LAMTOR3: variants seen among roughly 807,000 people sequenced by gnomAD.
The protein encoded by LAMTOR3 is ragulator complex protein LAMTOR3.
A neutral mutation model predicts 20.3 loss-of-function variants in LAMTOR3; 14 were observed. The observed-to-expected ratio is 0.69, with a 90% CI of 0.46 to 1.08. The LOEUF (loss-of-function observed/expected upper bound fraction) is 1.08, where lower values mean the gene tolerates loss of function less well. Among genes scored for constraint, LAMTOR3 ranks in the 50% least tolerant of loss-of-function variants. The pLI, the probability that LAMTOR3 is intolerant of heterozygous loss-of-function variation, is 0.00. For missense variants in LAMTOR3, 125 were observed against 143.7 expected (o/e 0.87, Z 0.67); for synonymous variants, 40 against 49.4 (o/e 0.81, Z 0.80).
At chr4:99,892,680 ATT>A (rs368209166) in intron 2 of LAMTOR3, among the ~76,000 whole-genome samples, 12 of 143,458 alleles carry the variant, frequency 8.4e-5, no homozygotes, top group Non-Finnish European at 9.1e-5. Context: ...GTGAGGCAAC[ATT>A]TTTTTTTTTT....
At chr4:99,882,435 C>A (rs1292440682) in intron 6 of LAMTOR3, among the ~76,000 whole-genome samples, 1 of 151,990 alleles carries the variant, frequency 6.6e-6, no homozygotes, top group Admixed American at 6.6e-5. Context: ...TGTACTATAA[C>A]CCTAAATAAA....
In LAMTOR3 at chr4:99,885,589, C is replaced by A; in HGVS notation, c.190G>T (p.Gly64Ter). 1 of 1,613,310 alleles carries A rather than the reference C, an allele frequency of 6.2e-7. No homozygotes were observed. Among genetic ancestry groups the A allele is most frequent in the South Asian group, 1.1e-5 (1 of 91,010 alleles). The stretch of plus-strand genomic sequence containing the variant: ...ATGATACTTTTATTTTTGGAAAGTC[C>A]AAGTTTGCTTCCTTGGTCTGTTGCA... ...ALATDQGSKLGLSKNKSIICY... is the reference protein window; with the variant it reads ...ALATDQGSKL The change falls in exon 5 of 7, where the codon GGA becomes TGA. Residue 64 changes from glycine to a stop codon, truncating the protein, a stop_gained. Transcript: ENST00000499666. LOFTEE classifies it high-confidence loss of function.
chr4:99,889,575 G>GA (rs1357550027), intron 3 of LAMTOR3, among the ~76,000 whole-genome samples: 6 of 152,212 alleles, frequency 3.9e-5, no homozygotes. Flanking sequence ...TGTATGTTGT[G>GA]TGTATAAATA....
chr4:99,881,968 A>T lies in LAMTOR3; in HGVS notation c.*26T>A, dbSNP rs1724835776. ...ATATTGTGTTGTTATAATGAAGATA[A>T]GGTACACACTGAAACCACTGTCAGA... On this transcript the variant is annotated 3_prime_UTR_variant, in exon 7 of 7. Coordinates refer to ENST00000499666, the MANE Select transcript of LAMTOR3 (RefSeq NM_021970.4). The T allele has an allele frequency of 1.4e-6, 2 of 1,426,026 alleles. No homozygotes were observed. Among genetic ancestry groups the T allele is most frequent in the Non-Finnish European group, 2.0e-6 (2 of 1,012,860 alleles). The allele number at this position is 1,426,026 out of a possible 1,614,324, so 88.3% of individuals were successfully genotyped here.
intron 5 of LAMTOR3, 143 bp downstream of exon 5, chr4:99,885,399 C>T: frequency 1.7e-6 from 1 of 592,878 alleles, no homozygotes; most frequent in East Asian, 3.2e-5. Flanking sequence ...CATTTTAATA[C>T]AACCAATTTG....
At chr4:99,891,882 T>C (rs1040968012) in intron 3 of LAMTOR3, 118 bp downstream of exon 3, 4 of 1,431,444 alleles carry the variant, frequency 2.8e-6, no homozygotes, top group Admixed American at 6.8e-5. Flanking sequence ...GCAAAAAATA[T>C]TCATATTAAA....
chr4:99,893,945 T>C lies in LAMTOR3; in HGVS notation c.9+10A>G. 6.5e-7 allele frequency: 1 copy of C among 1,534,122 alleles called. No homozygotes were observed. Among genetic ancestry groups the C allele is most frequent in the South Asian group, 1.2e-5 (1 of 80,274 alleles). On this transcript the variant is annotated intron_variant, in intron 2 of 6. Coordinates refer to ENST00000499666, the MANE Select transcript of LAMTOR3 (RefSeq NM_021970.4). The stretch of plus-strand genomic sequence containing the variant: ...CTCTCCCCTTCCTCTTATGTAGGGG[T>C]GTCACTCACATCCGCCATGATGAAC...
Position 99,880,895 on chromosome 4 carries a change from T to G in LAMTOR3, c.*1099A>C, listed in dbSNP as rs540091422. On this transcript the variant is annotated 3_prime_UTR_variant, in exon 7 of 7. Coordinates refer to ENST00000499666, the MANE Select transcript of LAMTOR3 (RefSeq NM_021970.4). The stretch of plus-strand genomic sequence containing the variant: ...GCATTCCTGAACATAAAGGGTATAT[T>G]CTAGAACTGTAGTACCTCTTTCATG... 2.6e-5 allele frequency: 4 copies of G among 152,352 alleles called. No homozygotes were observed. In the East Asian group the frequency reaches 7.7e-4, roughly 29 times the overall value. 9.4% of individuals were successfully genotyped at this position (152,352 alleles called of 1,614,324 possible).
intron 4 of LAMTOR3, among the ~76,000 whole-genome samples, chr4:99,886,029 ACTT>A (rs767908951): frequency 6.6e-6 from 1 of 152,176 alleles, no homozygotes; most frequent in Non-Finnish European, 1.5e-5. Flanking sequence ...AAGTTACAAA[ACTT>A]CTGCTCTTAT....
At chr4:99,891,625 G>A (rs1208432512) in intron 3 of LAMTOR3, among the ~76,000 whole-genome samples, 1 of 152,054 alleles carries the variant, frequency 6.6e-6, no homozygotes, top group Non-Finnish European at 1.5e-5. Flanking sequence ...TAGAAAAAGA[G>A]ATAATAAAAA....
At chr4:99,893,062 CTA>C (rs1004275884) in intron 2 of LAMTOR3, among the ~76,000 whole-genome samples, 112 of 152,280 alleles carry the variant, frequency 7.4e-4, no homozygotes, top group Non-Finnish European at 5.4e-4. Context: ...AAGTAGAAGA[CTA>C]TTTTATTTTT....
At chr4:99,886,832 T>C (rs1353934418) in intron 4 of LAMTOR3, among the ~76,000 whole-genome samples, 2 of 152,164 alleles carry the variant, frequency 1.3e-5, no homozygotes, top group East Asian at 1.9e-4. Flanking sequence ...CCATACTGAC[T>C]CTCTGTGACA....
chr4:99,883,771 C>T (rs1724869541), intron 6 of LAMTOR3, among the ~76,000 whole-genome samples: 1 of 148,652 alleles, frequency 6.7e-6, no homozygotes. Flanking sequence ...TTTAATTTTC[C>T]TGTCTCCAAA....
intron 2 of LAMTOR3, among the ~76,000 whole-genome samples, chr4:99,892,840 A>T (rs1262741898): frequency 6.6e-6 from 1 of 151,942 alleles, no homozygotes; most frequent in Non-Finnish European, 1.5e-5. Flanking sequence ...CACCATGCCC[A>T]GCTAATTTTT....
rs1724751775 is a variant in LAMTOR3, at chr4:99,878,417, A to ATTTTATTATT, written c.*3567_*3576dup. 2.0e-5 allele frequency: 3 copies of ATTTTATTATT among 152,292 alleles called. No individual in the cohort carries two copies. Among genetic ancestry groups the ATTTTATTATT allele is most frequent in the Admixed American group, 2.0e-4 (3 of 15,288 alleles). The allele number at this position is 152,292 out of a possible 1,614,324, so 9.4% of individuals were successfully genotyped here. On this transcript the variant is annotated 3_prime_UTR_variant, in exon 7 of 7. Coordinates refer to ENST00000499666, the MANE Select transcript of LAMTOR3 (RefSeq NM_021970.4). ...TGTTTGTTGAAATATTTTATTTCTA[A>ATTTTATTATT]TTTTATTATTTTTGAACAGTTAAAA...
intron 2 of LAMTOR3, 21 bp downstream of exon 2, chr4:99,893,934 T>C (rs1370624627): frequency 1.3e-6 from 2 of 1,497,342 alleles, no homozygotes; most frequent in Middle Eastern, 1.8e-4. Context: ...CCCCTTCCTC[T>C]TATGTAGGGG....
intron 2 of LAMTOR3, among the ~76,000 whole-genome samples, chr4:99,892,956 A>G (rs1326770618): frequency 6.6e-6 from 1 of 152,238 alleles, no homozygotes; most frequent in Non-Finnish European, 1.5e-5. Context: ...CTGGGATTAC[A>G]GACGTGAGCC....
rs921730161 is a variant in LAMTOR3 at position 99,879,222 on chromosome 4, T to C, written c.*2772A>G. 1.3e-5 allele frequency: 2 copies of C among 152,198 alleles called. No individual in the cohort carries two copies. The highest frequency in any genetic ancestry group is 4.8e-5 in the African/African-American group (2 of 41,460). 9.4% of individuals were successfully genotyped at this position (152,198 alleles called of 1,614,324 possible). A position where few individuals can be genotyped will look rare whatever the true frequency, so the allele number is the denominator to read the frequency against. ...CTTTTTTCTGGGTGAGTACATACCATTGATATCTAGTTGTGCATTCAGTTC... is the reference window on the plus strand; with the variant it reads ...CTTTTTTCTGGGTGAGTACATACCACTGATATCTAGTTGTGCATTCAGTTC... On this transcript the variant is annotated 3_prime_UTR_variant, in exon 7 of 7. Transcript: ENST00000499666.
intron 3 of LAMTOR3, among the ~76,000 whole-genome samples, chr4:99,890,049 T>C (rs1560721525): frequency 6.6e-6 from 1 of 152,142 alleles, no homozygotes; most frequent in Non-Finnish European, 1.5e-5. Context: ...AAATAGAATT[T>C]ACTAATAATT....
Sources: gnomAD v4.1 joint callset for allele counts (sites outside exome capture counted in the v4.1 genomes callset) on GRCh38, gnomAD v4.1.1 for gene constraint, MANE v1.5 for transcripts, NCBI Gene and HGNC (gene_info 2026-07-23, HGNC 2026-07-21) for gene names.